SLC35F4: variants seen among roughly 807,000 people sequenced by gnomAD.
SLC35F4 encodes the protein solute carrier family 35 member F4, also known as chromosome 14 open reading frame 36.
Under a neutral mutation model 44.2 loss-of-function variants are expected in SLC35F4, and 24 were observed. That is an observed-to-expected ratio of 0.54 (90% CI 0.39 to 0.76). SLC35F4 has a LOEUF of 0.76. SLC35F4 is among the 30% of genes least tolerant of loss of function. The pLI is 0.00. For missense variants in SLC35F4, 562 were observed against 586.1 expected (o/e 0.96, Z 0.42); for synonymous variants, 238 against 223.6 (o/e 1.06, Z -0.57).
At chr14:57,591,908 C>T (rs925719548) in intron 2 of SLC35F4, among the ~76,000 whole-genome samples, 11 of 152,178 alleles carry the variant, frequency 7.2e-5, no homozygotes, top group African/African-American at 2.7e-4. Context: ...GTGAAGAATG[C>T]GTCTGCACCA....
intron 1 of SLC35F4, among the ~76,000 whole-genome samples, chr14:57,750,086 T>C (rs1199161749): frequency 6.6e-6 from 1 of 152,142 alleles, no homozygotes; most frequent in South Asian, 2.1e-4. Context: ...TCCCACTCTC[T>C]ATGGCCATAT....
At chr14:57,792,823 G>T (rs898106948) in intron 1 of SLC35F4, among the ~76,000 whole-genome samples, 1 of 151,936 alleles carries the variant, frequency 6.6e-6, no homozygotes, top group Non-Finnish European at 1.5e-5. Context: ...ACTGGGTGCC[G>T]TGTTCATTGC....
At chr14:57,631,022 G>A (rs2072744877) in intron 1 of SLC35F4, 1 of 207,908 alleles carries the variant, frequency 4.8e-6, no homozygotes, top group African/African-American at 2.4e-5. Flanking sequence ...TTTCATATTT[G>A]TATTTGGTAG....
At chr14:57,854,376 CATA>C (rs1238818374) in intron 1 of SLC35F4, among the ~76,000 whole-genome samples, 1 of 151,926 alleles carries the variant, frequency 6.6e-6, no homozygotes, top group African/African-American at 2.4e-5. Context: ...ACGTTTGTAA[CATA>C]ATGATATATT....
chr14:57,756,500 G>A (rs1048692538), intron 1 of SLC35F4, among the ~76,000 whole-genome samples: 22 of 151,822 alleles, frequency 1.4e-4, no homozygotes, highest in African/African-American at 5.3e-4. Context: ...GCTAGGATAT[G>A]GTCTATCTTG....
chr14:57,735,739 TA>T (rs149470834), intron 1 of SLC35F4, among the ~76,000 whole-genome samples: 4 of 148,680 alleles, frequency 2.7e-5, no homozygotes, highest in Admixed American at 1.3e-4. Context: ...TTTTTTTTTT[TA>T]AAGACAGAGC....
At chr14:57,776,417 C>A (rs1485278298) in intron 1 of SLC35F4, among the ~76,000 whole-genome samples, 1 of 152,106 alleles carries the variant, frequency 6.6e-6, no homozygotes, top group East Asian at 1.9e-4. Context: ...CACCTGTAAT[C>A]CCAGCACTTT....
chr14:57,971,005 T>C (rs1181370529), intron 1 of SLC35F4, among the ~76,000 whole-genome samples: 2 of 152,182 alleles, frequency 1.3e-5, no homozygotes, highest in East Asian at 1.9e-4. Flanking sequence ...CTCTTATCTG[T>C]TATGTGTTAA....
chr14:57,623,209 CAAAG>C lies in SLC35F4; in HGVS notation c.104-29089_104-29086del, dbSNP rs1372444055. Among the ~76,000 whole-genome samples, 7 of 152,244 alleles carry C rather than the reference CAAAG, an allele frequency of 4.6e-5. No homozygotes were observed. The East Asian group carries it at 1.3e-3, about 29-fold the overall frequency. ...TTAAACCAACAAAGATCAAAAAAGA[CAAAG>C]AAGGGCATTACATAATGGTAAAGGG... On this transcript the variant is annotated intron_variant, in intron 1 of 7. Transcript: ENST00000556826.
intron 1 of SLC35F4, among the ~76,000 whole-genome samples, chr14:57,767,205 G>C (rs1319992905): frequency 6.6e-6 from 1 of 152,152 alleles, no homozygotes; most frequent in East Asian, 1.9e-4. Flanking sequence ...CAAGGACATA[G>C]AGGATCTGAA....
At chr14:57,697,251 A>C (rs552819708) in intron 1 of SLC35F4, among the ~76,000 whole-genome samples, 1 of 152,150 alleles carries the variant, frequency 6.6e-6, no homozygotes, top group Admixed American at 6.6e-5. Flanking sequence ...TGTGCTATAT[A>C]ATTCTAAATA....
chr14:57,709,066 T>C (rs2075751584), intron 1 of SLC35F4, among the ~76,000 whole-genome samples: 1 of 152,104 alleles, frequency 6.6e-6, no homozygotes, highest in African/African-American at 2.4e-5. Flanking sequence ...AAGCACAGCA[T>C]CACAGGGAGA....
At chr14:57,618,573 C>A (rs752349477) in intron 1 of SLC35F4, among the ~76,000 whole-genome samples, 7 of 152,212 alleles carry the variant, frequency 4.6e-5, no homozygotes, top group Non-Finnish European at 8.8e-5. Flanking sequence ...AGTGCCTACA[C>A]CACCAGGGCC....
At chr14:57,906,661 T>A (rs1222782709) in intron 1 of SLC35F4, among the ~76,000 whole-genome samples, 1 of 152,198 alleles carries the variant, frequency 6.6e-6, no homozygotes, top group Non-Finnish European at 1.5e-5. Context: ...TGAAAAGTTG[T>A]ATCAATTTGC....
At chr14:57,697,835 G>GT (rs2075428254) in intron 1 of SLC35F4, among the ~76,000 whole-genome samples, 1 of 152,018 alleles carries the variant, frequency 6.6e-6, no homozygotes, top group Non-Finnish European at 1.5e-5. Context: ...ATGTGTATGG[G>GT]TGTATACATA....
intron 6 of SLC35F4, among the ~76,000 whole-genome samples, chr14:57,566,880 A>G (rs2068234028): frequency 1.3e-5 from 2 of 152,372 alleles, no homozygotes; most frequent in Admixed American, 1.3e-4. Context: ...GGCCAGCCAG[A>G]GGTTAAAAGC....
At chr14:57,655,991 G>C (rs994574154) in intron 1 of SLC35F4, among the ~76,000 whole-genome samples, 1 of 151,996 alleles carries the variant, frequency 6.6e-6, no homozygotes, top group African/African-American at 2.4e-5. Flanking sequence ...AAGAGACATT[G>C]CTCTCTGCTG....
At chr14:57,749,498 T>A (rs980629653) in intron 1 of SLC35F4, among the ~76,000 whole-genome samples, 2 of 151,388 alleles carry the variant, frequency 1.3e-5, no homozygotes, top group South Asian at 4.2e-4. Context: ...AGCAGTACCA[T>A]GCATGGGTCT....
At chr14:57,615,404 G>A (rs2140067706) in intron 1 of SLC35F4, among the ~76,000 whole-genome samples, 2 of 150,842 alleles carry the variant, frequency 1.3e-5, no homozygotes, top group Middle Eastern at 6.8e-3. Flanking sequence ...GTTAACTGCT[G>A]CTTTAAGGAG....
Sources: allele counts gnomAD v4.1 joint callset (sites outside exome capture counted in the v4.1 genomes callset), GRCh38; gene constraint gnomAD v4.1.1; transcripts MANE v1.5; gene names NCBI Gene and HGNC (gene_info 2026-07-23, HGNC 2026-07-21).